Variants in CATSPERE observed in about 807,000 individuals in gnomAD.
CATSPERE encodes the protein catsper channel auxiliary subunit epsilon.
In CATSPERE, 93 loss-of-function variants were observed where a neutral mutation model predicts 114.1. The ratio of observed to expected loss-of-function variants is 0.81; its 90% CI spans 0.69 to 0.97. The LOEUF is 0.97. Ranked by LOEUF, CATSPERE falls within the 50% of genes least tolerant of loss-of-function variation. CATSPERE has a pLI of 0.00. For synonymous variants in CATSPERE, 341 were observed against 384.1 expected (o/e 0.89, Z 1.31); for missense variants, 1,058 against 1,131.6 (o/e 0.93, Z 0.93).
chr1:244,578,557 CT>C (rs1342022096), intron 11 of CATSPERE, among the ~76,000 whole-genome samples: 1 of 151,724 alleles, frequency 6.6e-6, no homozygotes, highest in Non-Finnish European at 1.5e-5. Flanking sequence ...GTATTATATG[CT>C]GTATTCTTAC....
At chr1:244,557,318 G>A (rs1348319507) in intron 9 of CATSPERE, among the ~76,000 whole-genome samples, 5 of 151,022 alleles carry the variant, frequency 3.3e-5, no homozygotes. Flanking sequence ...ATAGAAGGTG[G>A]TATTATTATG....
At chr1:244,595,615 T>G (rs963805517) in intron 17 of CATSPERE, among the ~76,000 whole-genome samples, 6 of 152,176 alleles carry the variant, frequency 3.9e-5, no homozygotes, top group Non-Finnish European at 7.4e-5. Context: ...CTATCAAGTC[T>G]TACGGTGGAG....
chr1:244,467,819 A>G (rs1667841378), intron 2 of CATSPERE, among the ~76,000 whole-genome samples: 2 of 152,240 alleles, frequency 1.3e-5, no homozygotes, highest in South Asian at 4.1e-4. Flanking sequence ...AATATGGATG[A>G]ATCTCACTGT....
chr1:244,475,198 C>T (rs1194542749), intron 2 of CATSPERE, among the ~76,000 whole-genome samples: 1 of 151,068 alleles, frequency 6.6e-6, no homozygotes, highest in Non-Finnish European at 1.5e-5. Flanking sequence ...TATCATCTTA[C>T]ACTGAAAACA....
At chr1:244,621,214 T>TAAATATATCTATATATAATATATAG (rs56940000) in intron 20 of CATSPERE, among the ~76,000 whole-genome samples, 1 of 20,984 alleles carries the variant, frequency 4.8e-5, no homozygotes. Context: ...TATATTTATA[T>TAAATATATCTATATATAATATATAG]ATATATTTAT....
intron 20 of CATSPERE, among the ~76,000 whole-genome samples, chr1:244,634,127 G>T (rs190060986): frequency 1.3e-5 from 2 of 152,074 alleles, no homozygotes; most frequent in Admixed American, 1.3e-4. Flanking sequence ...GCCTCCCAAA[G>T]TGATGGGATT....
chr1:244,521,584 A>G (rs981980103), intron 8 of CATSPERE, among the ~76,000 whole-genome samples: 2 of 152,218 alleles, frequency 1.3e-5, no homozygotes, highest in Non-Finnish European at 2.9e-5. Flanking sequence ...TTAGTAAAAA[A>G]TAAAATAAAT....
chr1:244,525,819 T>C (rs1275563185), intron 8 of CATSPERE, among the ~76,000 whole-genome samples: 2 of 152,244 alleles, frequency 1.3e-5, no homozygotes. Context: ...ACCAAACATA[T>C]ACTTATTAGT....
chr1:244,614,063 C>G (rs539538491), intron 19 of CATSPERE, among the ~76,000 whole-genome samples: 1 of 152,290 alleles, frequency 6.6e-6, no homozygotes, highest in South Asian at 2.1e-4. Flanking sequence ...AGGAAGATGG[C>G]CCTCACCAGA....
intron 5 of CATSPERE, among the ~76,000 whole-genome samples, chr1:244,481,896 T>TA (rs1343539767): frequency 6.6e-6 from 1 of 152,214 alleles, no homozygotes; most frequent in Non-Finnish European, 1.5e-5. Context: ...GTATTTTTGT[T>TA]ATAGCAGCCC....
intron 20 of CATSPERE, among the ~76,000 whole-genome samples, chr1:244,630,791 TG>T (rs1373881694): frequency 6.6e-6 from 1 of 152,036 alleles, no homozygotes; most frequent in African/African-American, 2.4e-5. Context: ...GGTTCGCATC[TG>T]ATCAATTCAC....
chr1:244,561,730 T>C (rs1322496586), intron 10 of CATSPERE, among the ~76,000 whole-genome samples: 1 of 152,154 alleles, frequency 6.6e-6, no homozygotes, highest in African/African-American at 2.4e-5. Context: ...CCAGTTTGAA[T>C]GTTGTACTGA....
chr1:244,543,461 T>C (rs910517778), intron 8 of CATSPERE, among the ~76,000 whole-genome samples: 10 of 151,590 alleles, frequency 6.6e-5, no homozygotes, highest in African/African-American at 2.2e-4. Context: ...GAGAGTAGAA[T>C]GATGGTTACC....
chr1:244,596,134 C>G (rs371975537), intron 17 of CATSPERE, among the ~76,000 whole-genome samples: 14 of 152,132 alleles, frequency 9.2e-5, no homozygotes, highest in Admixed American at 2.0e-4. Context: ...CCAAAACCAG[C>G]TAGCACTTGG....
intron 19 of CATSPERE, among the ~76,000 whole-genome samples, chr1:244,613,375 G>T (rs1670982101): frequency 6.6e-6 from 1 of 152,064 alleles, no homozygotes; most frequent in Admixed American, 6.6e-5. Flanking sequence ...ATGGCAAAAA[G>T]GTAGACAACG....
At chr1:244,630,489 C>T (rs1673798833) in intron 20 of CATSPERE, among the ~76,000 whole-genome samples, 1 of 152,012 alleles carries the variant, frequency 6.6e-6, no homozygotes, top group Non-Finnish European at 1.5e-5. Context: ...TTTGCTTCTT[C>T]GATGAGACTA....
chr1:244,557,167 C>T (rs1572735302), intron 9 of CATSPERE, among the ~76,000 whole-genome samples: 1 of 151,984 alleles, frequency 6.6e-6, no homozygotes, highest in Admixed American at 6.6e-5. Flanking sequence ...ATGCTTTAAA[C>T]TTTGTTCTTC....
chr1:244,510,812 CTT>C (rs112249943), intron 7 of CATSPERE, among the ~76,000 whole-genome samples: 1 of 84,278 alleles, frequency 1.2e-5, no homozygotes, highest in African/African-American at 4.0e-5. Context: ...ACATTTCTTT[CTT>C]TTTTTTTTCT....
chr1:244,490,533 A>G, intron 6 of CATSPERE, 62 bp downstream of exon 6: 1 of 1,001,412 alleles, frequency 1.0e-6, no homozygotes, highest in Middle Eastern at 2.1e-4. Flanking sequence ...TTTCTCTCTT[A>G]TCTTCCATAT....
Sources: allele counts gnomAD v4.1 joint callset (sites outside exome capture counted in the v4.1 genomes callset), GRCh38; gene constraint gnomAD v4.1.1; transcripts MANE v1.5; gene names NCBI Gene and HGNC (gene_info 2026-07-23, HGNC 2026-07-21).